Variants in PLAT observed in about 807,000 individuals in gnomAD.
PLAT encodes tissue-type plasminogen activator.
A neutral mutation model predicts 74.9 loss-of-function variants in PLAT; 48 were observed. That is an observed-to-expected ratio of 0.64 (90% CI 0.51 to 0.82). PLAT has a LOEUF of 0.82. Ranked by LOEUF, PLAT falls within the 40% of genes least tolerant of loss-of-function variation. PLAT has a pLI of 0.00. For missense variants in PLAT, 673 were observed against 736.2 expected, an observed-to-expected ratio of 0.91 and a Z score of 0.99; for synonymous variants, 307 against 294.4, an observed-to-expected ratio of 1.04 and a Z score of -0.44.
intron 4 of PLAT, 143 bp from the exon 5 acceptor site, chr8:42,188,159 C>A: frequency 1.8e-6 from 1 of 548,586 alleles, no homozygotes; most frequent in South Asian, 2.5e-5. Context: ...CTGCATCCTA[C>A]AAATACTGTT....
chr8:42,182,693 G>T, intron 8 of PLAT, 26 bp downstream of exon 8: 4 of 1,564,722 alleles, frequency 2.6e-6, no homozygotes, highest in South Asian at 1.2e-5. Context: ...GCCAAGACCT[G>T]AACCCCCCAC....
chr8:42,176,973 T>C (rs1259761072), intron 13 of PLAT, among the ~76,000 whole-genome samples: 1 of 147,940 alleles, frequency 6.8e-6, no homozygotes, highest in Non-Finnish European at 1.5e-5. Flanking sequence ...CTTTTTTTGT[T>C]TTTTTTTGTT....
intron 1 of PLAT, among the ~76,000 whole-genome samples, chr8:42,195,261 CG>C (rs887671533): frequency 4.6e-5 from 7 of 152,128 alleles, no homozygotes; most frequent in African/African-American, 1.7e-4. Context: ...CTCCTTGCCT[CG>C]CTACATTTCA....
intron 1 of PLAT, among the ~76,000 whole-genome samples, chr8:42,202,319 G>A (rs1330357162): frequency 6.6e-6 from 1 of 152,112 alleles, no homozygotes; most frequent in South Asian, 2.1e-4. Context: ...ACAGGCAGGA[G>A]CTGTGTGCCC....
chr8:42,193,241 C>T (rs1428509207), intron 1 of PLAT, 30 bp from the exon 2 acceptor site: 18 of 1,446,530 alleles, frequency 1.2e-5, no homozygotes, highest in Middle Eastern at 3.4e-4. Context: ...AGCTTGATCA[C>T]GGGGTGCGAG....
At chr8:42,201,889 TTC>T (rs76098400) in intron 1 of PLAT, among the ~76,000 whole-genome samples, 30 of 152,196 alleles carry the variant, frequency 2.0e-4, no homozygotes, top group African/African-American at 7.0e-4. Flanking sequence ...ACCCTTCGCT[TTC>T]TCTCAGTAGC....
chr8:42,189,467 G>A (rs922271478), intron 3 of PLAT, among the ~76,000 whole-genome samples: 9 of 151,698 alleles, frequency 5.9e-5, no homozygotes, highest in Admixed American at 6.6e-5. Flanking sequence ...GCAGTGAGCC[G>A]AGATTGTACC....
At chr8:42,198,456 C>CA (rs1806002960) in intron 1 of PLAT, among the ~76,000 whole-genome samples, 1 of 152,206 alleles carries the variant, frequency 6.6e-6, no homozygotes, top group Non-Finnish European at 1.5e-5. Flanking sequence ...TGCGCTACTG[C>CA]AGCCTGGGCG....
intron 9 of PLAT, 169 bp from the exon 10 acceptor site, chr8:42,180,854 C>T: frequency 1.8e-6 from 1 of 567,580 alleles, no homozygotes; most frequent in Non-Finnish European, 3.0e-6. Flanking sequence ...CGATAAGTTT[C>T]AGGAGGCGGA....
chr8:42,204,640 G>A (rs1193820250), intron 1 of PLAT, among the ~76,000 whole-genome samples: 2 of 151,524 alleles, frequency 1.3e-5, no homozygotes, highest in African/African-American at 2.4e-5. Flanking sequence ...GCTTGAACCT[G>A]GGAGGTGGAG....
In PLAT at chr8:42,190,727, G is replaced by A. The variant is rs1038179106; in HGVS notation, c.115+645C>T. Among the ~76,000 whole-genome samples the A allele has an allele frequency of 5.9e-5, 9 of 152,296 alleles. No homozygotes were observed. In the East Asian group the frequency reaches 1.2e-3, roughly 20 times the overall value. On this transcript the variant is annotated intron_variant, in intron 3 of 13. Transcript: ENST00000220809. Reference sequence around the variant, plus strand: ...AACTGGGTCGTGAAGGAGGGAAATCGAGGGCCTAAGTTGGTAGTTTTGGAC... The same window carrying A: ...AACTGGGTCGTGAAGGAGGGAAATCAAGGGCCTAAGTTGGTAGTTTTGGAC...
At chr8:42,204,039 A>G (rs1806244121) in intron 1 of PLAT, among the ~76,000 whole-genome samples, 3 of 150,498 alleles carry the variant, frequency 2.0e-5, no homozygotes, top group South Asian at 2.1e-4. Context: ...ATACAAACAC[A>G]TATTGCTAAG....
intron 2 of PLAT, among the ~76,000 whole-genome samples, chr8:42,192,326 A>G (rs1398219748): frequency 6.6e-6 from 1 of 152,176 alleles, no homozygotes; most frequent in Non-Finnish European, 1.5e-5. Context: ...TTATAAATAC[A>G]GTCCACTTTG....
Position 42,182,323 on chromosome 8 carries a change from C to T in PLAT, c.804-301G>A, listed in dbSNP as rs78373822. The T allele has an allele frequency of 5.0e-3, 1,798 of 360,280 alleles. 35 individuals carry two copies. The highest frequency in any genetic ancestry group is 0.036 in the African/African-American group (1,697 of 47,534). 22.3% of individuals were successfully genotyped at this position (360,280 alleles called of 1,614,324 possible). On this transcript the variant is annotated intron_variant, in intron 8 of 13. Transcript: ENST00000220809. ...GGACACCGAGTTCATCTTGACCTTG[C>T]AGCACACCCCCACCCTAGGAGAACT... is the stretch of plus-strand genomic sequence containing the variant.
At chr8:42,202,728 G>A (rs1585439820) in intron 1 of PLAT, among the ~76,000 whole-genome samples, 2 of 152,186 alleles carry the variant, frequency 1.3e-5, no homozygotes, top group African/African-American at 4.8e-5. Flanking sequence ...GCAGAGCAGC[G>A]CCATACCACG....
chr8:42,191,311 C>T, intron 3 of PLAT, 61 bp downstream of exon 3: 1 of 1,422,468 alleles, frequency 7.0e-7, no homozygotes, highest in Non-Finnish European at 9.9e-7. Context: ...GGGTGATGCA[C>T]CCTGCACCCC....
chr8:42,193,534 C>A, intron 1 of PLAT: 1 of 230,870 alleles, frequency 4.3e-6, no homozygotes, highest in South Asian at 7.4e-5. Flanking sequence ...AACTCTGTAG[C>A]CATTAAAGAA....
chr8:42,184,948 C>T (rs1805392715), intron 7 of PLAT, 133 bp downstream of exon 7: 2 of 574,150 alleles, frequency 3.5e-6, no homozygotes, highest in Non-Finnish European at 6.1e-6. Flanking sequence ...TGTCTTTCTT[C>T]CCTCTGCAAC....
chr8:42,203,545 C>T (rs1389262024), intron 1 of PLAT, among the ~76,000 whole-genome samples: 2 of 152,210 alleles, frequency 1.3e-5, no homozygotes, highest in African/African-American at 4.8e-5. Context: ...TTCATCTTCA[C>T]TCTGTCACAG....
Sources: gnomAD v4.1 joint callset for allele counts (sites outside exome capture counted in the v4.1 genomes callset) on GRCh38, gnomAD v4.1.1 for gene constraint, MANE v1.5 for transcripts, NCBI Gene and HGNC (gene_info 2026-07-23, HGNC 2026-07-21) for gene names.